Variants in QTGAL observed in about 807,000 individuals in gnomAD.
The protein encoded by QTGAL is queuosine-tRNA galactosyltransferase.
chr17:83,047,550 G>A, the QTGAL span, among the ~76,000 whole-genome samples: 1 of 138,044 alleles, frequency 7.2e-6, no homozygotes, highest in African/African-American at 2.7e-5. Flanking sequence ...AGAAATTTAG[G>A]TCTATAATAA....
At chr17:83,011,933 C>G in the QTGAL span, among the ~76,000 whole-genome samples, 4 of 150,156 alleles carry the variant, frequency 2.7e-5, no homozygotes, top group African/African-American at 9.8e-5. Context: ...TTTGAACACA[C>G]GCCACGAACT....
At chr17:82,942,613 C>T in the QTGAL span, 1 of 962,898 alleles carries the variant, frequency 1.0e-6, no homozygotes, top group South Asian at 1.4e-5. Context: ...GACAGCTTTT[C>T]CTCTCTGCAC....
the QTGAL span, chr17:82,961,124 T>A: frequency 1.2e-6 from 2 of 1,608,636 alleles, no homozygotes. Flanking sequence ...TCCACGCGGA[T>A]GACGCCGCCG....
the QTGAL span, chr17:82,957,108 G>T: frequency 2.6e-5 from 41 of 1,586,120 alleles, no homozygotes; most frequent in African/African-American, 4.6e-4. Flanking sequence ...AAGGGGGAAG[G>T]CTCGGAGCAG....
the QTGAL span, among the ~76,000 whole-genome samples, chr17:82,964,811 G>A: frequency 2.0e-5 from 2 of 102,562 alleles, no homozygotes. Flanking sequence ...ATGGGGACAC[G>A]GACGCCTGCA....
At chr17:83,033,766 C>T in the QTGAL span, among the ~76,000 whole-genome samples, 6 of 151,916 alleles carry the variant, frequency 3.9e-5, no homozygotes, top group Non-Finnish European at 2.9e-5. Flanking sequence ...CCACCGCGCC[C>T]GGCCTAAGTT....
the QTGAL span, among the ~76,000 whole-genome samples, chr17:83,024,424 C>T: frequency 3.3e-5 from 5 of 152,266 alleles, no homozygotes; most frequent in East Asian, 3.8e-4. Context: ...ACGGAGTTCG[C>T]GAGACCACGC....
chr17:83,010,307 C>G, the QTGAL span, among the ~76,000 whole-genome samples: 1 of 152,160 alleles, frequency 6.6e-6, no homozygotes. Context: ...GAGGAGCACC[C>G]AGGCCTGACA....
the QTGAL span, among the ~76,000 whole-genome samples, chr17:83,025,932 C>T: frequency 2.0e-5 from 3 of 152,318 alleles, no homozygotes; most frequent in Middle Eastern, 3.4e-3. Context: ...GTGACATGCA[C>T]GATGCTGGTG....
At chr17:82,992,003 A>G in the QTGAL span, among the ~76,000 whole-genome samples, 2,037 of 152,294 alleles carry the variant, frequency 0.013, 24 homozygotes, top group Non-Finnish European at 0.021. Context: ...TTGAAAATAC[A>G]TAGTCAGAGA....
chr17:82,970,257 C>T, the QTGAL span, among the ~76,000 whole-genome samples: 2 of 152,202 alleles, frequency 1.3e-5, no homozygotes, highest in African/African-American at 2.4e-5. Context: ...CCGTGAATAC[C>T]CCACGGGCCC....
At chr17:83,008,020 C>T in the QTGAL span, among the ~76,000 whole-genome samples, 1 of 141,398 alleles carries the variant, frequency 7.1e-6, no homozygotes, top group Non-Finnish European at 1.6e-5. Flanking sequence ...CCTTCCTCTG[C>T]AGGAGACCTC....
At chr17:82,958,569 C>T in the QTGAL span, among the ~76,000 whole-genome samples, 1 of 152,126 alleles carries the variant, frequency 6.6e-6, no homozygotes, top group Non-Finnish European at 1.5e-5. Context: ...CTGTGGCACC[C>T]CCTGTTTGTA....
chr17:82,951,703 G>A, the QTGAL span, among the ~76,000 whole-genome samples: 2 of 148,540 alleles, frequency 1.3e-5, no homozygotes, highest in Admixed American at 6.9e-5. Flanking sequence ...AGAGACGTGC[G>A]ACTCTTCCTT....
At chr17:82,994,355 A>G in the QTGAL span, among the ~76,000 whole-genome samples, 1 of 152,266 alleles carries the variant, frequency 6.6e-6, no homozygotes, top group South Asian at 2.1e-4. Context: ...AGTGGCTAGT[A>G]TGAGCAAGTA....
chr17:83,028,323 G>A, the QTGAL span, among the ~76,000 whole-genome samples: 1 of 151,490 alleles, frequency 6.6e-6, no homozygotes, highest in Non-Finnish European at 1.5e-5. Context: ...AGGAGATCGA[G>A]ACCATCCTGG....
At chr17:82,966,750 T>C in the QTGAL span, among the ~76,000 whole-genome samples, 1 of 152,266 alleles carries the variant, frequency 6.6e-6, no homozygotes, top group Non-Finnish European at 1.5e-5. Flanking sequence ...AGGGAGAACA[T>C]TCGTGATTAT....
the QTGAL span, among the ~76,000 whole-genome samples, chr17:83,050,081 C>G: frequency 1.3e-5 from 2 of 152,136 alleles, no homozygotes; most frequent in African/African-American, 4.8e-5. Context: ...AAGAATAAAA[C>G]GAGTTCTGGC....
the QTGAL span, chr17:83,005,073 C>A: frequency 6.6e-7 from 1 of 1,509,662 alleles, no homozygotes; most frequent in Non-Finnish European, 9.1e-7. This position sits in a 1 kb window ranked among gnomAD's most constrained non-coding sequence, Gnocchi z 5.6. Context: ...CGCCCAGAGG[C>A]GACCTGTGCA....
Sources: gnomAD v4.1 joint callset for allele counts (sites outside exome capture counted in the v4.1 genomes callset) on GRCh38, gnomAD v4.1.1 for gene constraint, Gnocchi (gnomAD v3.1) non-coding constraint, MANE v1.5 for transcripts, NCBI Gene and HGNC (gene_info 2026-07-23, HGNC 2026-07-21) for gene names.